NCAM2: variants seen among roughly 807,000 people sequenced by gnomAD.
The protein encoded by NCAM2 is N-CAM-2.
Under a neutral mutation model 98.1 loss-of-function variants are expected in NCAM2, and 30 were observed. The ratio of observed to expected loss-of-function variants is 0.31; its 90% CI spans 0.23 to 0.41. The LOEUF (loss-of-function observed/expected upper bound fraction) is 0.41. Among genes scored for constraint, NCAM2 ranks in the 10% least tolerant of loss-of-function variants. The pLI, the probability that NCAM2 is intolerant of heterozygous loss-of-function variation, is 1.00. For synonymous variants in NCAM2, 368 were observed against 342.4 expected (o/e 1.07, Z -0.83); for missense variants, 867 against 1,005.8 (o/e 0.86, Z 1.87).
intron 1 of NCAM2, among the ~76,000 whole-genome samples, chr21:21,111,485 A>G (rs1398439280): frequency 1.3e-5 from 2 of 152,158 alleles, no homozygotes; most frequent in African/African-American, 2.4e-5. Context: ...AAGATCGAAG[A>G]CTGAGATGGA....
At chr21:21,498,889 A>T (rs1017276579) in intron 15 of NCAM2, among the ~76,000 whole-genome samples, 8 of 152,226 alleles carry the variant, frequency 5.3e-5, no homozygotes, top group Non-Finnish European at 2.9e-5. Context: ...AAAATGAATT[A>T]TAGAAGAAGA....
At chr21:21,323,690 T>A (rs777737584) in intron 5 of NCAM2, among the ~76,000 whole-genome samples, 58 of 152,338 alleles carry the variant, frequency 3.8e-4, no homozygotes, top group Non-Finnish European at 7.5e-4. Context: ...ATACAGTTTT[T>A]GCAATGTAAT....
At chr21:21,360,887 G>C (rs1312299679) in intron 8 of NCAM2, among the ~76,000 whole-genome samples, 2 of 151,570 alleles carry the variant, frequency 1.3e-5, no homozygotes, top group Non-Finnish European at 3.0e-5. Flanking sequence ...ACCTTTTCTT[G>C]GTTCATTTTC....
chr21:21,083,085 A>C (rs2032298), intron 1 of NCAM2, among the ~76,000 whole-genome samples: 45,720 of 152,020 alleles, frequency 0.3, 8,372 homozygotes, highest in African/African-American at 0.51. Flanking sequence ...TTTTTGAGGT[A>C]AGGAAGCTCT....
chr21:21,454,434 T>C (rs1981814087), intron 12 of NCAM2, among the ~76,000 whole-genome samples: 1 of 152,062 alleles, frequency 6.6e-6, no homozygotes, highest in Non-Finnish European at 1.5e-5. Flanking sequence ...GTTTGATATA[T>C]AATTTTAAGG....
chr21:21,227,634 A>G (rs2070441675), intron 1 of NCAM2, among the ~76,000 whole-genome samples: 1 of 151,866 alleles, frequency 6.6e-6, no homozygotes, highest in Admixed American at 6.6e-5. Flanking sequence ...AGCAAAGATT[A>G]TTTTGGAGAA....
At chr21:21,313,184 A>C (rs917466806) in intron 5 of NCAM2, among the ~76,000 whole-genome samples, 15 of 151,692 alleles carry the variant, frequency 9.9e-5, no homozygotes, top group African/African-American at 2.9e-4. Context: ...CATTTAAAAA[A>C]ATTTTCTCTA....
intron 1 of NCAM2, among the ~76,000 whole-genome samples, chr21:21,265,884 A>G (rs1176299861): frequency 6.6e-6 from 1 of 152,100 alleles, no homozygotes; most frequent in Non-Finnish European, 1.5e-5. Context: ...AAACCTGCAC[A>G]TGTACCCCTG....
At chr21:21,268,596 G>A (rs2072377306) in intron 1 of NCAM2, among the ~76,000 whole-genome samples, 2 of 151,976 alleles carry the variant, frequency 1.3e-5, no homozygotes, top group Admixed American at 1.3e-4. Flanking sequence ...TTCAATATGT[G>A]GAAAACCTCT....
intron 1 of NCAM2, among the ~76,000 whole-genome samples, chr21:21,214,880 C>A (rs1330822149): frequency 6.7e-6 from 1 of 150,150 alleles, no homozygotes; most frequent in African/African-American, 2.4e-5. Context: ...AATACAGCAA[C>A]AAAAATGAAA....
intron 14 of NCAM2, among the ~76,000 whole-genome samples, chr21:21,474,888 G>T (rs996803687): frequency 1.3e-5 from 2 of 151,842 alleles, no homozygotes; most frequent in Admixed American, 1.3e-4. Flanking sequence ...TGTTGTGTGT[G>T]TTTGTGTGTG....
chr21:21,127,230 A>G (rs932774973), intron 1 of NCAM2, among the ~76,000 whole-genome samples: 3 of 151,946 alleles, frequency 2.0e-5, no homozygotes, highest in Admixed American at 6.6e-5. Flanking sequence ...TACATTTCCA[A>G]ATGTATTTCT....
intron 1 of NCAM2, among the ~76,000 whole-genome samples, chr21:21,128,790 A>G (rs2066878724): frequency 6.6e-6 from 1 of 152,188 alleles, no homozygotes; most frequent in African/African-American, 2.4e-5. Flanking sequence ...CAAAAGATCA[A>G]TGCTTAAATT....
chr21:21,251,003 G>A (rs2071448004), intron 1 of NCAM2, among the ~76,000 whole-genome samples: 1 of 152,108 alleles, frequency 6.6e-6, no homozygotes, highest in Non-Finnish European at 1.5e-5. Flanking sequence ...TGAAACTTAA[G>A]TTTAACCTGG....
At chr21:21,046,642 G>A (rs775366974) in intron 1 of NCAM2, among the ~76,000 whole-genome samples, 4 of 151,978 alleles carry the variant, frequency 2.6e-5, no homozygotes, top group Non-Finnish European at 5.9e-5. Context: ...CTTGGTTCAG[G>A]TTTTCTTGCC....
chr21:21,080,681 C>CAAAA (rs1491234603), intron 1 of NCAM2, among the ~76,000 whole-genome samples: 1 of 60,864 alleles, frequency 1.6e-5, no homozygotes, highest in Admixed American at 2.7e-4. Flanking sequence ...AAAAAAAAAA[C>CAAAA]CAACATTGAT....
chr21:21,277,869 T>C (rs1479866050), intron 1 of NCAM2, among the ~76,000 whole-genome samples: 1 of 151,738 alleles, frequency 6.6e-6, no homozygotes, highest in Non-Finnish European at 1.5e-5. Flanking sequence ...AATGAGTGCG[T>C]GTATTTAAAA....
intron 8 of NCAM2, among the ~76,000 whole-genome samples, chr21:21,364,121 T>C (rs2075724910): frequency 6.6e-6 from 1 of 152,096 alleles, no homozygotes; most frequent in African/African-American, 2.4e-5. Flanking sequence ...TAGCCACTCA[T>C]CTCTTAGAGA....
At chr21:21,344,217 T>C (rs548656855) in intron 8 of NCAM2, among the ~76,000 whole-genome samples, 1 of 152,298 alleles carries the variant, frequency 6.6e-6, no homozygotes, top group East Asian at 1.9e-4. Context: ...AAAGAGCCCT[T>C]GGGCCCTGAA....
Sources: gnomAD v4.1 joint callset for allele counts (sites outside exome capture counted in the v4.1 genomes callset) on GRCh38, gnomAD v4.1.1 for gene constraint, MANE v1.5 for transcripts, NCBI Gene and HGNC (gene_info 2026-07-23, HGNC 2026-07-21) for gene names.